The following DNAJC15 variants were observed in gnomAD, a reference collection of about 807,000 sequenced individuals.
DNAJC15 encodes dnaJ homolog subfamily C member 15.
Under a neutral mutation model 22.4 loss-of-function variants are expected in DNAJC15, and 27 were observed. That is an observed-to-expected ratio of 1.20 (90% CI 0.89 to 1.66). DNAJC15 has a LOEUF of 1.66. DNAJC15 is among the 40% of genes most tolerant of loss of function. The pLI is 0.00. For synonymous variants in DNAJC15, 79 were observed against 63.2 expected, an observed-to-expected ratio of 1.25 and a Z score of -1.19; for missense variants, 208 against 187.1, an observed-to-expected ratio of 1.11 and a Z score of -0.65.
intron 5 of DNAJC15, among the ~76,000 whole-genome samples, chr13:43,106,215 T>C (rs2040796149): frequency 6.6e-6 from 1 of 152,152 alleles, no homozygotes; most frequent in African/African-American, 2.4e-5. Flanking sequence ...TTTCAGCAGC[T>C]ATAGATGGTT....
In DNAJC15 at chr13:43,065,586, A is replaced by G; in HGVS notation, c.109-100A>G. On this transcript the variant is annotated intron_variant, in intron 1 of 5. Transcript: ENST00000379221. ...GATCTTCACAGTAGAGCTTAAAGAA[A>G]GTGTAGTATTGTAATGTAATTATTC... 3.1e-6 allele frequency: 3 copies of G among 956,116 alleles called. No homozygotes were observed. The South Asian group carries it at 4.3e-5, about 14-fold the overall frequency. 59.2% of individuals were successfully genotyped at this position (956,116 alleles called of 1,614,324 possible).
intron 1 of DNAJC15, among the ~76,000 whole-genome samples, chr13:43,063,442 A>G (rs953513498): frequency 2.0e-5 from 3 of 152,124 alleles, no homozygotes; most frequent in African/African-American, 7.2e-5. Flanking sequence ...TACTGTTGCT[A>G]TACTGTTGGG....
rs920228667 is a variant in DNAJC15 at position 43,078,916 on chromosome 13, T to C, written c.311+228T>C. The C allele has an allele frequency of 1.4e-4, 44 of 322,042 alleles. No homozygotes were observed. In the East Asian group the frequency reaches 1.6e-3, roughly 12 times the overall value. The allele number at this position is 322,042 out of a possible 1,614,324, so 19.9% of individuals were successfully genotyped here. ...CAGGCAAAGTTGTGAAGTACCTTTA[T>C]TCTTTAACAAGGATCTATAATATTT... On this transcript the variant is annotated intron_variant, in intron 4 of 5. Transcript: ENST00000379221.
rs539348421 is a variant in DNAJC15 at position 43,082,875 on chromosome 13, C to T, written c.312-2893C>T. Among the ~76,000 whole-genome samples the T allele has an allele frequency of 4.0e-5, 6 of 149,468 alleles. No individual in the cohort carries two copies. In the South Asian group the frequency reaches 6.4e-4, roughly 16 times the overall value. ...ATATATATATACACACATATATGTG[C>T]GTATGCGTATATGTGTGTATATATA... On this transcript the variant is annotated intron_variant, in intron 4 of 5. Transcript: ENST00000379221.
chr13:43,111,505 T>C lies in DNAJC15; in HGVS notation c.*4257T>C, dbSNP rs940147415. The C allele has an allele frequency of 7.2e-5, 11 of 152,222 alleles. No individual in the cohort carries two copies. The highest frequency in any genetic ancestry group is 2.7e-4 in the African/African-American group (11 of 41,462). The allele number at this position is 152,222 out of a possible 1,614,324, so 9.4% of individuals were successfully genotyped here. ...CTTGAACACAGAAAAGAGCTTTTAT[T>C]GATAAGGTAATTGAACACACTTGAC... On this transcript the variant is annotated 3_prime_UTR_variant, in exon 6 of 6. Transcript: ENST00000379221.
intron 5 of DNAJC15, among the ~76,000 whole-genome samples, chr13:43,105,670 T>C (rs960711545): frequency 6.6e-6 from 1 of 152,206 alleles, no homozygotes; most frequent in Non-Finnish European, 1.5e-5. Context: ...GCCTATGATT[T>C]AAATATCCAT....
chr13:43,053,408 A>C (rs953765677), intron 1 of DNAJC15, among the ~76,000 whole-genome samples: 1 of 151,980 alleles, frequency 6.6e-6, no homozygotes, highest in Admixed American at 6.6e-5. Flanking sequence ...GTGCCGTATG[A>C]ATTTTAGGAT....
At chr13:43,041,524 C>T (rs2040454091) in intron 1 of DNAJC15, among the ~76,000 whole-genome samples, 1 of 152,150 alleles carries the variant, frequency 6.6e-6, no homozygotes, top group African/African-American at 2.4e-5. Flanking sequence ...AGATATTTAA[C>T]ATGTCTTGTA....
intron 5 of DNAJC15, among the ~76,000 whole-genome samples, chr13:43,091,981 C>G (rs1293325752): frequency 6.6e-6 from 1 of 152,162 alleles, no homozygotes; most frequent in Admixed American, 6.5e-5. Flanking sequence ...TGCAGTTACT[C>G]TATGCAATGT....
intron 1 of DNAJC15, among the ~76,000 whole-genome samples, chr13:43,048,317 T>C (rs542670543): frequency 4.9e-4 from 34 of 69,588 alleles, no homozygotes; most frequent in Non-Finnish European, 7.6e-4. Flanking sequence ...TCGTCTCTAC[T>C]AAAAATACAA....
At chr13:43,030,450 A>G (rs2040399304) in intron 1 of DNAJC15, among the ~76,000 whole-genome samples, 1 of 152,232 alleles carries the variant, frequency 6.6e-6, no homozygotes, top group Non-Finnish European at 1.5e-5. Context: ...ACACTGTTGT[A>G]GACTGAACAC....
intron 1 of DNAJC15, among the ~76,000 whole-genome samples, chr13:43,034,288 T>C (rs1312594191): frequency 3.3e-5 from 5 of 149,796 alleles, no homozygotes; most frequent in African/African-American, 9.8e-5. Context: ...GGAATTCTTC[T>C]GTATGGGAGA....
intron 3 of DNAJC15, among the ~76,000 whole-genome samples, chr13:43,073,958 C>T (rs1272965442): frequency 6.0e-5 from 8 of 133,850 alleles, no homozygotes; most frequent in Non-Finnish European, 1.3e-4. Context: ...ACCCATCCTT[C>T]TTCTTTTTTT....
intron 1 of DNAJC15, 86 bp from the exon 2 acceptor site, chr13:43,065,595 TTGTAA>T (rs1379617076): frequency 1.0e-5 from 11 of 1,053,666 alleles, no homozygotes; most frequent in African/African-American, 1.6e-5. Flanking sequence ...AAGTGTAGTA[TTGTAA>T]TGTAATTATT....
Position 43,108,446 on chromosome 13 carries a change from A to AC in DNAJC15, c.*1198_*1199insC, listed in dbSNP as rs1456989405. The stretch of plus-strand genomic sequence containing the variant: ...CAAAGGTGAGAGAACAGATTCAGAT[A>AC]GAGTGCCAGCATTGTTTCCCAGTAT... On this transcript the variant is annotated 3_prime_UTR_variant, in exon 6 of 6. Transcript: ENST00000379221. 1.3e-5 allele frequency: 2 copies of AC among 152,222 alleles called. No individual in the cohort carries two copies. Among genetic ancestry groups the AC allele is most frequent in the Non-Finnish European group, 2.9e-5 (2 of 68,020 alleles). 9.4% of individuals were successfully genotyped at this position (152,222 alleles called of 1,614,324 possible).
intron 1 of DNAJC15, among the ~76,000 whole-genome samples, chr13:43,058,466 G>T (rs2040541951): frequency 1.3e-5 from 2 of 152,078 alleles, no homozygotes; most frequent in African/African-American, 2.4e-5. Context: ...TTGTCCTTGG[G>T]CAGGGCTTGC....
At chr13:43,027,301 G>C (rs2040384893) in intron 1 of DNAJC15, among the ~76,000 whole-genome samples, 1 of 152,130 alleles carries the variant, frequency 6.6e-6, no homozygotes, top group South Asian at 2.1e-4. Flanking sequence ...TTGTTACACA[G>C]GTAAATGTGT....
intron 4 of DNAJC15, among the ~76,000 whole-genome samples, chr13:43,085,230 G>A (rs1459875772): frequency 2.6e-5 from 4 of 151,872 alleles, no homozygotes; most frequent in Non-Finnish European, 4.4e-5. Flanking sequence ...GTGTGGTGGC[G>A]CGCGTCTGTA....
rs1427454793 is a variant in DNAJC15, at chr13:43,109,755, A to G, written c.*2507A>G. 6.6e-6 allele frequency: 1 copy of G among 152,174 alleles called. No individual in the cohort carries two copies. The allele number at this position is 152,174 out of a possible 1,614,324, so 9.4% of individuals were successfully genotyped here. ...AGGGATCGCATTTGGAGATATACTAATGTAAATGACAAGTTAATTGGTGCA... is the reference window on the plus strand; with the variant it reads ...AGGGATCGCATTTGGAGATATACTAGTGTAAATGACAAGTTAATTGGTGCA... On this transcript the variant is annotated 3_prime_UTR_variant, in exon 6 of 6. Coordinates refer to ENST00000379221, the MANE Select transcript of DNAJC15 (RefSeq NM_013238.3).
Sources: gnomAD v4.1 joint callset for allele counts (sites outside exome capture counted in the v4.1 genomes callset) on GRCh38, gnomAD v4.1.1 for gene constraint, MANE v1.5 for transcripts, NCBI Gene and HGNC (gene_info 2026-07-23, HGNC 2026-07-21) for gene names.